TENM2: variants seen among roughly 807,000 people sequenced by gnomAD.
The protein encoded by TENM2 is teneurin transmembrane protein 2.
In TENM2, 52 loss-of-function variants were observed where a neutral mutation model predicts 245.2. The observed-to-expected ratio is 0.21, with a 90% CI of 0.17 to 0.27. The LOEUF is 0.27. Among genes scored for constraint, TENM2 ranks in the 10% least tolerant of loss-of-function variants. TENM2 has a pLI of 1.00. For synonymous variants in TENM2, 1,363 were observed against 1,438.9 expected (o/e 0.95, Z 1.19); for missense variants, 3,046 against 3,666.8 (o/e 0.83, Z 4.37).
At chr5:167,992,971 G>A (rs781234354) in exon 5 of TENM2, 2 of 1,613,904 alleles carry the variant, frequency 1.2e-6, no homozygotes, top group East Asian at 2.2e-5. Context: ...CCTCCTCGGG[G>A]AGCACACCCT....
chr5:167,011,464 G>A, the TENM2 span, among the ~76,000 whole-genome samples: 1 of 152,170 alleles, frequency 6.6e-6, no homozygotes, highest in Non-Finnish European at 1.5e-5. Flanking sequence ...TTTATGGATA[G>A]GCACAAACTT....
At chr5:168,092,574 C>T (rs1793035559) in intron 8 of TENM2, among the ~76,000 whole-genome samples, 1 of 152,098 alleles carries the variant, frequency 6.6e-6, no homozygotes, top group Admixed American at 6.5e-5. Context: ...AGTGGAGAAG[C>T]GTTCCACAGA....
At chr5:167,030,180 AC>A in the TENM2 span, among the ~76,000 whole-genome samples, 1 of 152,096 alleles carries the variant, frequency 6.6e-6, no homozygotes, top group Non-Finnish European at 1.5e-5. Context: ...TGAGCTCTTT[AC>A]TTCTTCACTG....
At chr5:167,431,926 T>C (rs867213303) in intron 2 of TENM2, among the ~76,000 whole-genome samples, 6 of 92,012 alleles carry the variant, frequency 6.5e-5, no homozygotes, top group African/African-American at 1.2e-4. Flanking sequence ...TATATATATA[T>C]ACATATATAT....
At chr5:167,421,190 T>C (rs1279391047) in intron 2 of TENM2, among the ~76,000 whole-genome samples, 1 of 152,234 alleles carries the variant, frequency 6.6e-6, no homozygotes, top group African/African-American at 2.4e-5. Flanking sequence ...ATTGTTGATA[T>C]CTCAAAAGAA....
At chr5:167,088,915 A>G in the TENM2 span, among the ~76,000 whole-genome samples, 1 of 152,210 alleles carries the variant, frequency 6.6e-6, no homozygotes, top group Non-Finnish European at 1.5e-5. Context: ...AAGTGGCTGA[A>G]ATGAGATGTG....
chr5:167,344,307 C>CATATATAT (rs1206561623), intron 1 of TENM2, among the ~76,000 whole-genome samples: 38 of 63,418 alleles, frequency 6.0e-4, no homozygotes, highest in East Asian at 2.4e-3. Flanking sequence ...CACACACACA[C>CATATATAT]ACATATATAT....
At chr5:168,105,472 TG>T in intron 9 of TENM2, among the ~76,000 whole-genome samples, 1 of 152,148 alleles carries the variant, frequency 6.6e-6, no homozygotes, top group Admixed American at 6.5e-5. Context: ...ATCACACAGG[TG>T]CACCTGGTCT....
chr5:167,004,650 G>A, the TENM2 span, among the ~76,000 whole-genome samples: 1 of 152,298 alleles, frequency 6.6e-6, no homozygotes, highest in Non-Finnish European at 1.5e-5. Context: ...TAAGTACATG[G>A]CATATTATTT....
At chr5:167,465,949 G>A (rs961047470) in intron 2 of TENM2, among the ~76,000 whole-genome samples, 6 of 152,090 alleles carry the variant, frequency 3.9e-5, no homozygotes, top group Non-Finnish European at 8.8e-5. Flanking sequence ...AATGTCCAGG[G>A]CACATGACTG....
chr5:167,776,417 C>T (rs1479070774), intron 2 of TENM2, among the ~76,000 whole-genome samples: 1 of 150,954 alleles, frequency 6.6e-6, no homozygotes, highest in East Asian at 1.9e-4. Context: ...GGCAGCAAGG[C>T]GAGACCCCAT....
intron 12 of TENM2, among the ~76,000 whole-genome samples, chr5:168,127,960 C>G (rs1459702010): frequency 6.6e-6 from 1 of 152,218 alleles, no homozygotes; most frequent in East Asian, 1.9e-4. Context: ...ACCCCAGTCA[C>G]AGATGGGCCA....
At chr5:167,958,353 A>G (rs1193101645) in intron 4 of TENM2, among the ~76,000 whole-genome samples, 2 of 151,852 alleles carry the variant, frequency 1.3e-5, no homozygotes, top group Non-Finnish European at 2.9e-5. Context: ...CCATCCCTTT[A>G]TTTTGAGCCT....
intron 2 of TENM2, among the ~76,000 whole-genome samples, chr5:167,511,323 A>C (rs908184432): frequency 6.6e-6 from 1 of 152,150 alleles, no homozygotes; most frequent in Non-Finnish European, 1.5e-5. Context: ...CTGAGAAGGT[A>C]AAACGTGAGG....
intron 1 of TENM2, among the ~76,000 whole-genome samples, chr5:167,344,174 A>G (rs1002354698): frequency 1.3e-5 from 2 of 148,842 alleles, no homozygotes; most frequent in African/African-American, 4.9e-5. Context: ...ATATATATAT[A>G]AAGTAGAGAA....
chr5:167,185,126 CATCT>C, the TENM2 span, among the ~76,000 whole-genome samples: 52 of 152,262 alleles, frequency 3.4e-4, no homozygotes, highest in African/African-American at 4.3e-4. Flanking sequence ...CGCCTGGCCT[CATCT>C]ATCTATCTTT....
intron 2 of TENM2, among the ~76,000 whole-genome samples, chr5:167,600,114 A>C (rs1476477032): frequency 4.0e-5 from 1 of 25,084 alleles, no homozygotes; most frequent in African/African-American, 1.1e-4. Context: ...TGGAACTCAG[A>C]GGAGAAAAAG....
the TENM2 span, among the ~76,000 whole-genome samples, chr5:167,094,784 T>C: frequency 2.0e-5 from 3 of 152,202 alleles, no homozygotes; most frequent in African/African-American, 7.2e-5. Context: ...GATCCTGTGA[T>C]TTAAAATTTG....
chr5:168,027,446 C>T (rs1215327904), intron 5 of TENM2, among the ~76,000 whole-genome samples: 1 of 152,128 alleles, frequency 6.6e-6, no homozygotes, highest in Non-Finnish European at 1.5e-5. Flanking sequence ...GACTGGAGTA[C>T]ACAAAGAAAA....
Sources: allele counts gnomAD v4.1 joint callset (sites outside exome capture counted in the v4.1 genomes callset), GRCh38; gene constraint gnomAD v4.1.1; transcripts MANE v1.5; gene names NCBI Gene and HGNC (gene_info 2026-07-23, HGNC 2026-07-21).